ADGB: variants seen among roughly 807,000 people sequenced by gnomAD.
ADGB encodes the protein androglobin, also known as calpain-7-like protein.
A neutral mutation model predicts 210.5 loss-of-function variants in ADGB; 172 were observed. That is an observed-to-expected ratio of 0.82 (90% CI 0.72 to 0.93). ADGB has a LOEUF of 0.93. Ranked by LOEUF, ADGB falls within the 40% of genes least tolerant of loss-of-function variation. The pLI is 0.00. For synonymous variants in ADGB, 658 were observed against 662.7 expected (o/e 0.99, Z 0.11); for missense variants, 2,025 against 1,964.8 (o/e 1.03, Z -0.58).
intron 27 of ADGB, among the ~76,000 whole-genome samples, chr6:146,755,358 C>T (rs897067127): frequency 6.6e-6 from 1 of 152,098 alleles, no homozygotes; most frequent in African/African-American, 2.4e-5. Flanking sequence ...GTAATCTCCA[C>T]ATGTTGGGAG....
At chr6:146,720,247 C>A (rs1279935156) in intron 16 of ADGB, among the ~76,000 whole-genome samples, 1 of 152,066 alleles carries the variant, frequency 6.6e-6, no homozygotes, top group Non-Finnish European at 1.5e-5. Context: ...GCTCTACCTA[C>A]TTTTTTCTCT....
chr6:146,670,883 A>G (rs538329703), intron 7 of ADGB, among the ~76,000 whole-genome samples: 1 of 152,356 alleles, frequency 6.6e-6, no homozygotes, highest in East Asian at 1.9e-4. Context: ...TTGGGAACTC[A>G]GAACAGAAAC....
chr6:146,761,360 T>G (rs1388886557), intron 27 of ADGB, among the ~76,000 whole-genome samples: 2 of 152,068 alleles, frequency 1.3e-5, no homozygotes. Context: ...ATTTTCTCCA[T>G]TGAATTACCT....
chr6:146,795,933 G>A (rs1046017540), intron 33 of ADGB, among the ~76,000 whole-genome samples: 1 of 152,042 alleles, frequency 6.6e-6, no homozygotes, highest in Non-Finnish European at 1.5e-5. Context: ...TGACATGATT[G>A]TATACTGAGA....
intron 7 of ADGB, among the ~76,000 whole-genome samples, chr6:146,669,620 G>T (rs956465354): frequency 6.6e-6 from 1 of 151,970 alleles, no homozygotes; most frequent in African/African-American, 2.4e-5. Context: ...ACACTCTCTG[G>T]GTTTTTCTCC....
chr6:146,793,527 C>T (rs1433756713), intron 33 of ADGB, among the ~76,000 whole-genome samples: 1 of 152,154 alleles, frequency 6.6e-6, no homozygotes, highest in South Asian at 2.1e-4. Flanking sequence ...TCCAGGGGTC[C>T]TCAGTAGAAG....
chr6:146,647,507 T>A (rs900693516), intron 3 of ADGB, among the ~76,000 whole-genome samples: 1 of 152,092 alleles, frequency 6.6e-6, no homozygotes, highest in African/African-American at 2.4e-5. Context: ...ACATAATTTT[T>A]AGTAACTACA....
chr6:146,743,021 A>G (rs554640244), intron 25 of ADGB, among the ~76,000 whole-genome samples: 45 of 152,318 alleles, frequency 3.0e-4, no homozygotes, highest in African/African-American at 1.0e-3. Flanking sequence ...CTGCAGCAGA[A>G]TGCCTTGGGT....
At chr6:146,613,147 T>C (rs537191266) in intron 1 of ADGB, among the ~76,000 whole-genome samples, 2 of 152,356 alleles carry the variant, frequency 1.3e-5, no homozygotes, top group East Asian at 3.9e-4. Flanking sequence ...AGAAACTGAA[T>C]CTTTGCATTT....
chr6:146,726,196 C>A lies in ADGB; in HGVS notation c.2351C>A (p.Pro784Gln). 1 of 1,534,806 alleles carries A rather than the reference C, an allele frequency of 6.5e-7. No homozygotes were observed. Among genetic ancestry groups the A allele is most frequent in the Non-Finnish European group, 8.8e-7 (1 of 1,132,440 alleles). Residue 784 changes from proline (P) to glutamine (Q), a missense_variant and splice_region_variant, in exon 19 of 36, where the codon CCA (proline) becomes CAA (glutamine). Transcript: ENST00000397944. ...DEHVVLPNFE[P>Q]ESCRFTEQSL... ...CACGTTGTACTGCCCAACTTTGAAC[C>A]AGTAAGTATTTTTGCAACAGCAAGT...
chr6:146,619,480 C>T (rs1583561706), intron 1 of ADGB, among the ~76,000 whole-genome samples: 1 of 151,988 alleles, frequency 6.6e-6, no homozygotes, highest in African/African-American at 2.4e-5. Flanking sequence ...TTCTTTATAG[C>T]TAAATAAGTT....
chr6:146,616,811 T>C (rs1471494800), intron 1 of ADGB, among the ~76,000 whole-genome samples: 1 of 152,048 alleles, frequency 6.6e-6, no homozygotes, highest in Non-Finnish European at 1.5e-5. Context: ...GTTGTTGTTG[T>C]TGTTTTGCCA....
At position 146,598,990 on chromosome 6, in the gene ADGB, G is replaced by T. The variant is rs1025622665; in HGVS notation, c.-51G>T. ...GCAACGCAGACGCGGAGCCGAGCGCGCCCGCAGGCTCTTTGCTCAGAGCTC... is the reference window on the plus strand; with the variant it reads ...GCAACGCAGACGCGGAGCCGAGCGCTCCCGCAGGCTCTTTGCTCAGAGCTC... On this transcript the variant is annotated 5_prime_UTR_variant, in exon 1 of 36. Transcript: ENST00000397944. 11 of 1,497,380 alleles carry T rather than the reference G, an allele frequency of 7.3e-6. No individual in the cohort carries two copies. The East Asian group carries it at 1.2e-4, about 17-fold the overall frequency. The allele number at this position is 1,497,380 out of a possible 1,614,324, so 92.8% of individuals were successfully genotyped here.
intron 7 of ADGB, among the ~76,000 whole-genome samples, chr6:146,670,076 T>C (rs1227572409): frequency 1.3e-5 from 2 of 152,140 alleles, no homozygotes; most frequent in Non-Finnish European, 2.9e-5. Flanking sequence ...CTGAACCTAT[T>C]TGTTTCTCTA....
intron 1 of ADGB, among the ~76,000 whole-genome samples, chr6:146,633,162 C>T (rs888511532): frequency 6.6e-6 from 1 of 152,212 alleles, no homozygotes; most frequent in Admixed American, 6.6e-5. Context: ...CTCCGTACCA[C>T]GGTCTTCTGT....
At chr6:146,744,658 A>G (rs1170957707) in intron 25 of ADGB, among the ~76,000 whole-genome samples, 2 of 152,064 alleles carry the variant, frequency 1.3e-5, no homozygotes, top group Non-Finnish European at 2.9e-5. Context: ...ATTTTTTTTC[A>G]TAAATACTCA....
chr6:146,745,878 A>AATAACGACT, intron 25 of ADGB, 44 bp from the exon 26 acceptor site: 1 of 1,442,284 alleles, frequency 6.9e-7, no homozygotes, highest in Non-Finnish European at 9.4e-7. Flanking sequence ...TCGATAGAAT[A>AATAACGACT]ATAACGACAT....
chr6:146,606,478 TG>T (rs1247530472), intron 1 of ADGB, among the ~76,000 whole-genome samples: 2 of 152,180 alleles, frequency 1.3e-5, no homozygotes, highest in Non-Finnish European at 2.9e-5. Context: ...CCAGGGCCTA[TG>T]TCCAGAATGG....
At chr6:146,809,483 G>C (rs1365646926) in intron 35 of ADGB, among the ~76,000 whole-genome samples, 1 of 152,058 alleles carries the variant, frequency 6.6e-6, no homozygotes, top group Non-Finnish European at 1.5e-5. Flanking sequence ...TGGGATTACA[G>C]GCTGGAGCCA....
Sources: gnomAD v4.1 joint callset for allele counts (sites outside exome capture counted in the v4.1 genomes callset) on GRCh38, gnomAD v4.1.1 for gene constraint, MANE v1.5 for transcripts, NCBI Gene and HGNC (gene_info 2026-07-23, HGNC 2026-07-21) for gene names.